SEPTIN14: variants seen among roughly 807,000 people sequenced by gnomAD.
The protein encoded by SEPTIN14 is septin 14.
SEPTIN14 carries 40 observed loss-of-function variants against 53.6 expected under a neutral mutation model. The observed-to-expected ratio is 0.75, with a 90% confidence interval of 0.58 to 0.97. The LOEUF (loss-of-function observed/expected upper bound fraction) is 0.97, where lower values mean the gene tolerates loss of function less well. Among genes scored for constraint, SEPTIN14 ranks in the 50% least tolerant of loss-of-function variants. The pLI is 0.00. For missense variants in SEPTIN14, 471 were observed against 508.2 expected (o/e 0.93, Z 0.70); for synonymous variants, 138 against 166.8 (o/e 0.83, Z 1.33).
Position 55,842,976 on chromosome 7 carries a change from A to G in SEPTIN14, c.524T>C (p.Leu175Pro). 1 of 1,548,900 alleles carries G rather than the reference A, an allele frequency of 6.5e-7. No homozygotes were observed. The highest frequency in any genetic ancestry group is 8.7e-7 in the Non-Finnish European group (1 of 1,149,786). Residue 175 changes from leucine to proline, a missense_variant, in exon 5 of 10, where the codon CTT becomes CCT. Coordinates refer to ENST00000388975, the MANE Select transcript of SEPTIN14 (RefSeq NM_207366.3). ...AAGGTTCTTCATTGTTAATAGATCAAGAGACTTCAGGGAATGTCCTGTAGG... is the reference window on the plus strand; with the variant it reads ...AAGGTTCTTCATTGTTAATAGATCAGGAGACTTCAGGGAATGTCCTGTAGG... ...ISPTGHSLKSLDLLTMKNLDS... is the reference protein window; with the variant it reads ...ISPTGHSLKSPDLLTMKNLDS...
At chr7:55,833,596 T>C (rs1789151013) in intron 6 of SEPTIN14, among the ~76,000 whole-genome samples, 1 of 151,876 alleles carries the variant, frequency 6.6e-6, no homozygotes, top group African/African-American at 2.4e-5. Context: ...TAATCCCAGC[T>C]ACTTGGGAGG....
intron 6 of SEPTIN14, among the ~76,000 whole-genome samples, chr7:55,820,420 A>G (rs967139974): frequency 3.3e-5 from 5 of 152,234 alleles, no homozygotes; most frequent in African/African-American, 1.2e-4. Context: ...AAGACATGGA[A>G]TTAACAGTTA....
intron 9 of SEPTIN14, among the ~76,000 whole-genome samples, chr7:55,799,467 G>A (rs1788488777): frequency 7.1e-6 from 1 of 141,374 alleles, no homozygotes; most frequent in African/African-American, 2.6e-5. Flanking sequence ...GCAGTGAGCT[G>A]AGATCGTGCC....
rs1789419639 is a variant in SEPTIN14 at position 55,846,546 on chromosome 7, T to C, written c.146A>G (p.Gln49Arg). ...PNQLVSRSIR[Q>R]GFTFNILCVG... ...ACAGAGAATATTAAAAGTGAATCCT[T>C]GTCGGATAGATCTGCTCACCAACTG... The change falls in exon 3 of 10, where the codon CAA (glutamine) becomes CGA (arginine). Residue 49 changes from glutamine (Q) to arginine (R), a missense_variant. Gln to Arg is a conservative substitution (Grantham distance 43). Transcript: ENST00000388975. The C allele has an allele frequency of 3.1e-6, 5 of 1,598,798 alleles. No homozygotes were observed. Among genetic ancestry groups the C allele is most frequent in the Non-Finnish European group, 4.3e-6 (5 of 1,171,082 alleles).
intron 7 of SEPTIN14, among the ~76,000 whole-genome samples, chr7:55,809,896 A>G (rs1442729757): frequency 7.0e-6 from 1 of 143,796 alleles, no homozygotes; most frequent in Non-Finnish European, 1.5e-5. Context: ...GCAGTGGCGC[A>G]ATCTCGGCTC....
At chr7:55,826,316 T>C (rs1055169429) in intron 6 of SEPTIN14, among the ~76,000 whole-genome samples, 1 of 152,134 alleles carries the variant, frequency 6.6e-6, no homozygotes, top group Non-Finnish European at 1.5e-5. Context: ...CCCTGACCTA[T>C]ATCACAAAGA....
Position 55,829,961 on chromosome 7 carries a change from G to A in SEPTIN14, c.720+4464C>T, listed in dbSNP as rs371036437. 1.4e-4 allele frequency among the ~76,000 whole-genome samples: 21 copies of A among 151,484 alleles called. No individual in the cohort carries two copies. The South Asian group carries it at 4.0e-3, about 29-fold the overall frequency. On this transcript the variant is annotated intron_variant, in intron 6 of 9. Coordinates refer to ENST00000388975, the MANE Select transcript of SEPTIN14 (RefSeq NM_207366.3). ...TGGGAGGCCGAGGCGGGCGGATCAC[G>A]AGGTCAGGAGATCGAGACTATCCTG...
At chr7:55,834,124 T>G (rs1584264468) in intron 6 of SEPTIN14, among the ~76,000 whole-genome samples, 2 of 152,166 alleles carry the variant, frequency 1.3e-5, no homozygotes, top group East Asian at 3.9e-4. Context: ...CAAAGAAAAT[T>G]TAATATAAAA....
chr7:55,848,486 G>A (rs1012997137), intron 2 of SEPTIN14, among the ~76,000 whole-genome samples: 8 of 151,684 alleles, frequency 5.3e-5, no homozygotes, highest in African/African-American at 1.7e-4. Context: ...TGATAGAGAC[G>A]GGGTCGCACC....
intron 7 of SEPTIN14, chr7:55,811,454 G>A: frequency 1.1e-5 from 4 of 358,672 alleles, no homozygotes; most frequent in South Asian, 8.0e-5. Flanking sequence ...GATGGGGAAG[G>A]AAGGCAAACT....
chr7:55,855,383 A>C (rs1376862925), intron 2 of SEPTIN14, among the ~76,000 whole-genome samples: 1 of 152,134 alleles, frequency 6.6e-6, no homozygotes, highest in Non-Finnish European at 1.5e-5. Context: ...CGAAGGAGAG[A>C]CAGAAACCCA....
chr7:55,840,277 T>A (rs949885492), intron 5 of SEPTIN14, among the ~76,000 whole-genome samples: 9 of 150,854 alleles, frequency 6.0e-5, no homozygotes, highest in African/African-American at 2.2e-4. Context: ...TCACCTGAGG[T>A]CAAGAGTTCA....
intron 2 of SEPTIN14, among the ~76,000 whole-genome samples, chr7:55,854,304 TA>T (rs1789569717): frequency 6.6e-6 from 1 of 152,182 alleles, no homozygotes; most frequent in South Asian, 2.1e-4. Context: ...ATCAATCTGA[TA>T]AAAACTGTAT....
At chr7:55,813,213 G>T (rs994526025) in intron 7 of SEPTIN14, among the ~76,000 whole-genome samples, 1 of 152,126 alleles carries the variant, frequency 6.6e-6, no homozygotes, top group East Asian at 1.9e-4. Context: ...GCCTCCTAAA[G>T]TGCTGGGACT....
chr7:55,809,850 T>G (rs1788671349), intron 7 of SEPTIN14, among the ~76,000 whole-genome samples: 1 of 107,198 alleles, frequency 9.3e-6, no homozygotes, highest in African/African-American at 4.6e-5. Context: ...TTTTTTTTTT[T>G]GAGACAGAGT....
At chr7:55,803,208 G>A (rs1209189437) in intron 9 of SEPTIN14, among the ~76,000 whole-genome samples, 1 of 152,098 alleles carries the variant, frequency 6.6e-6, no homozygotes, top group Non-Finnish European at 1.5e-5. Flanking sequence ...AAAGTGCTGG[G>A]ATTATAGGCG....
rs549172054 is a variant in SEPTIN14 at position 55,817,627 on chromosome 7, G to A, written c.817+1500C>T. 5.3e-5 allele frequency among the ~76,000 whole-genome samples: 8 copies of A among 151,956 alleles called. No homozygotes were observed. The East Asian group carries it at 9.7e-4, about 18-fold the overall frequency. The stretch of plus-strand genomic sequence containing the variant: ...TGGGACTACAGGTGCCCGCCACCAT[G>A]CCTGGCTAATTTTTTTGTATTTTTA... On this transcript the variant is annotated intron_variant, in intron 7 of 9. Transcript: ENST00000388975.
intron 6 of SEPTIN14, among the ~76,000 whole-genome samples, chr7:55,829,610 G>A (rs12534178): frequency 4.0e-5 from 6 of 151,740 alleles, no homozygotes; most frequent in African/African-American, 7.3e-5. Flanking sequence ...CTCCCTGCTC[G>A]GATGTGGCTG....
At chr7:55,834,634 G>A in intron 5 of SEPTIN14, 48 bp from the exon 6 acceptor site, 6 of 1,483,024 alleles carry the variant, frequency 4.0e-6, no homozygotes, top group Non-Finnish European at 5.5e-6. Flanking sequence ...TCATCTCACA[G>A]TTTTTTTGTT....
Sources: allele counts gnomAD v4.1 joint callset (sites outside exome capture counted in the v4.1 genomes callset), GRCh38; gene constraint gnomAD v4.1.1; transcripts MANE v1.5; gene names NCBI Gene and HGNC (gene_info 2026-07-23, HGNC 2026-07-21).